The following ADAMTSL1 variants were observed in gnomAD, a reference collection of about 807,000 sequenced individuals.
The protein encoded by ADAMTSL1 is ADAMTS like 1.
A neutral mutation model predicts 201.8 loss-of-function variants in ADAMTSL1; 126 were observed. That is an observed-to-expected ratio of 0.62 (90% CI 0.54 to 0.72). The LOEUF (loss-of-function observed/expected upper bound fraction) is 0.72. ADAMTSL1 is among the 30% of genes least tolerant of loss of function. The pLI is 0.00. For synonymous variants in ADAMTSL1, 1,121 were observed against 903.4 expected (o/e 1.24, Z -4.32); for missense variants, 2,679 against 2,277.8 (o/e 1.18, Z -3.59).
intron 23 of ADAMTSL1, among the ~76,000 whole-genome samples, chr9:18,879,547 C>T (rs960430785): frequency 2.6e-5 from 4 of 152,192 alleles, no homozygotes; most frequent in African/African-American, 7.2e-5. Context: ...TTTCCCAATA[C>T]ATGTAAAAGT....
chr9:18,357,757 A>G (rs1012701422), intron 2 of ADAMTSL1, among the ~76,000 whole-genome samples: 2 of 152,084 alleles, frequency 1.3e-5, no homozygotes, highest in African/African-American at 4.8e-5. Flanking sequence ...GTTTTTCCAT[A>G]ACCTAGAATT....
In ADAMTSL1 at chr9:18,908,870, C is replaced by T; in HGVS notation, c.*322C>T. On this transcript the variant is annotated 3_prime_UTR_variant, in exon 29 of 29. Coordinates refer to ENST00000380548, the MANE Select transcript of ADAMTSL1 (RefSeq NM_001040272.6). ...TGGGTCTCAAAGACCTAGAAAGAGG[C>T]AGGCACAGCCCCTGCGGACAGCAGG... 4.0e-6 allele frequency: 1 copy of T among 250,106 alleles called. No homozygotes were observed. Among genetic ancestry groups the T allele is most frequent in the South Asian group, 6.6e-5 (1 of 15,108 alleles). The allele number at this position is 250,106 out of a possible 1,614,324, so 15.5% of individuals were successfully genotyped here. A position where few individuals can be genotyped will look rare whatever the true frequency, so the allele number is the denominator to read the frequency against.
chr9:17,971,187 T>G (rs1818193264), intron 1 of ADAMTSL1, among the ~76,000 whole-genome samples: 1 of 152,048 alleles, frequency 6.6e-6, no homozygotes, highest in Admixed American at 6.6e-5. Flanking sequence ...TGCCTTTAAT[T>G]GATAGTTTGG....
chr9:18,406,530 C>T (rs1048126528), intron 2 of ADAMTSL1, among the ~76,000 whole-genome samples: 5 of 151,954 alleles, frequency 3.3e-5, no homozygotes, highest in African/African-American at 1.2e-4. Context: ...AGGGTTTCAC[C>T]ATGTTGGCCA....
chr9:18,101,268 C>T (rs992769124), intron 1 of ADAMTSL1, among the ~76,000 whole-genome samples: 3 of 152,002 alleles, frequency 2.0e-5, no homozygotes, highest in African/African-American at 7.3e-5. Flanking sequence ...GAGGCTGAGG[C>T]GGGCAGATCA....
intron 1 of ADAMTSL1, among the ~76,000 whole-genome samples, chr9:18,062,094 A>G (rs1166763762): frequency 6.6e-6 from 1 of 152,204 alleles, no homozygotes; most frequent in Non-Finnish European, 1.5e-5. Flanking sequence ...GTCGACTTAA[A>G]AAACAGGAAG....
intron 1 of ADAMTSL1, among the ~76,000 whole-genome samples, chr9:18,050,598 G>A (rs1260014639): frequency 6.6e-6 from 1 of 152,140 alleles, no homozygotes; most frequent in Non-Finnish European, 1.5e-5. Context: ...CTAAGTCAGA[G>A]TGTTGTGAAA....
At chr9:18,539,542 C>A (rs1820000135) in intron 3 of ADAMTSL1, among the ~76,000 whole-genome samples, 2 of 152,158 alleles carry the variant, frequency 1.3e-5, no homozygotes, top group African/African-American at 2.4e-5. Flanking sequence ...GGAAACATAT[C>A]AAGACTTAAC....
intron 7 of ADAMTSL1, among the ~76,000 whole-genome samples, chr9:18,641,969 C>T (rs1029502172): frequency 6.6e-6 from 1 of 151,936 alleles, no homozygotes; most frequent in Non-Finnish European, 1.5e-5. Flanking sequence ...AAGTCTCAAA[C>T]CAACCTCACC....
intron 20 of ADAMTSL1, among the ~76,000 whole-genome samples, chr9:18,816,684 T>C (rs1330422500): frequency 7.0e-6 from 1 of 143,850 alleles, no homozygotes. Flanking sequence ...TCAATTTGTA[T>C]AACATGCTCT....
chr9:18,794,027 T>TAAA (rs199713694), intron 19 of ADAMTSL1, among the ~76,000 whole-genome samples: 21,088 of 146,342 alleles, frequency 0.14, 1,691 homozygotes, highest in Admixed American at 0.25. Flanking sequence ...CTTTTCAGAT[T>TAAA]AAAAAAAAAA....
At chr9:18,548,057 G>A (rs1295800108) in intron 3 of ADAMTSL1, among the ~76,000 whole-genome samples, 4 of 151,908 alleles carry the variant, frequency 2.6e-5, no homozygotes, top group Non-Finnish European at 2.9e-5. Context: ...GTTTGACAAA[G>A]ACTTTAAAAT....
chr9:17,915,217 G>C (rs4129864), intron 1 of ADAMTSL1, among the ~76,000 whole-genome samples: 105,817 of 152,048 alleles, frequency 0.7, 40,255 homozygotes, highest in East Asian at 0.97. Context: ...GGCAAATAAT[G>C]ATCACCAGAC....
intron 1 of ADAMTSL1, among the ~76,000 whole-genome samples, chr9:18,059,385 C>T (rs1276545965): frequency 1.3e-5 from 2 of 152,008 alleles, no homozygotes; most frequent in African/African-American, 4.8e-5. Context: ...AATTTCATGT[C>T]ATGTATTTTG....
chr9:18,486,457 A>C (rs7864856), intron 1 of ADAMTSL1, among the ~76,000 whole-genome samples: 1 of 152,006 alleles, frequency 6.6e-6, no homozygotes, highest in Non-Finnish European at 1.5e-5. Flanking sequence ...TAGTCTCAGC[A>C]CTTTGGGAGG....
intron 20 of ADAMTSL1, among the ~76,000 whole-genome samples, chr9:18,800,419 G>T (rs887520055): frequency 6.8e-6 from 1 of 146,740 alleles, no homozygotes; most frequent in African/African-American, 2.5e-5. Context: ...AAATGGACAG[G>T]TTTGACTGTT....
chr9:18,307,583 CA>C (rs1342567002), intron 2 of ADAMTSL1, among the ~76,000 whole-genome samples: 1 of 151,912 alleles, frequency 6.6e-6, no homozygotes, highest in Non-Finnish European at 1.5e-5. Flanking sequence ...CAAAAAAGAT[CA>C]AAAAAGGCTA....
chr9:18,392,104 A>T (rs796732086), intron 2 of ADAMTSL1, among the ~76,000 whole-genome samples: 1 of 152,066 alleles, frequency 6.6e-6, no homozygotes, highest in Non-Finnish European at 1.5e-5. Flanking sequence ...GATTACAGGC[A>T]TGAGTCACTG....
rs567677241 is a variant in ADAMTSL1 at position 17,999,504 on chromosome 9, ATATTAATACTATGCTC to A, written c.87+92587_87+92602del. Among the ~76,000 whole-genome samples, 475 of 152,218 alleles carry A rather than the reference ATATTAATACTATGCTC, an allele frequency of 3.1e-3. 5 individuals carry two copies. Among genetic ancestry groups the A allele is most frequent in the African/African-American group, 0.011 (462 of 41,558 alleles). ...GCAATGAGAAAGATTTACAATTGACATATTAATACTATGCTCTATTGAGATTTGGCTTCAAGCTGTC... is the reference window on the plus strand; with the variant it reads ...GCAATGAGAAAGATTTACAATTGACATATTGAGATTTGGCTTCAAGCTGTC... On this transcript the variant is annotated intron_variant, in intron 1 of 29. Transcript: ENST00000680146.
Sources: gnomAD v4.1 joint callset for allele counts (sites outside exome capture counted in the v4.1 genomes callset) on GRCh38, gnomAD v4.1.1 for gene constraint, MANE v1.5 for transcripts, NCBI Gene and HGNC (gene_info 2026-07-23, HGNC 2026-07-21) for gene names.